Variants in RP1 observed in about 807,000 individuals in gnomAD.
RP1 encodes RP1 axonemal microtubule associated, also known as oxygen-regulated protein 1.
RP1 carries 16 observed loss-of-function variants against 14.8 expected under a neutral mutation model. The observed-to-expected ratio is 1.08, with a 90% CI of 0.73 to 1.65. RP1 has a LOEUF of 1.65. Among genes scored for constraint, RP1 ranks in the 40% most tolerant of loss-of-function variants. The pLI is 0.00. For synonymous variants in RP1, 876 were observed against 883.6 expected (o/e 0.99, Z 0.15); for missense variants, 2,631 against 2,535.0 (o/e 1.04, Z -0.81).
chr8:54,745,245 C>G (rs1194876647), intron 19 of RP1, among the ~76,000 whole-genome samples: 1 of 152,178 alleles, frequency 6.6e-6, no homozygotes, highest in Non-Finnish European at 1.5e-5. Context: ...GTCTCTACAT[C>G]TGTCTTCCAA....
At chr8:54,614,577 C>T (rs1180626447), upstream of RP1, among the ~76,000 whole-genome samples, 1 of 152,164 alleles carries the variant, frequency 6.6e-6, no homozygotes, top group African/African-American at 2.4e-5. Flanking sequence ...CAAGTGATAC[C>T]AGGGAGAGGG....
intron 25 of RP1, among the ~76,000 whole-genome samples, chr8:54,839,780 T>C (rs1414646999): frequency 6.6e-6 from 1 of 152,190 alleles, no homozygotes; most frequent in Non-Finnish European, 1.5e-5. Flanking sequence ...CCCCAGATAC[T>C]AGTTGATTAA....
At chr8:54,649,130 C>T (rs1157183831) in exon 4 of RP1, 51 of 1,498,176 alleles carry the variant, frequency 3.4e-5, no homozygotes, top group Non-Finnish European at 4.4e-5. Flanking sequence ...TTCAGGTTGG[C>T]CATGAAGACA....
intron 24 of RP1, among the ~76,000 whole-genome samples, chr8:54,822,263 G>A (rs1290678940): frequency 6.6e-6 from 1 of 152,180 alleles, no homozygotes; most frequent in African/African-American, 2.4e-5. Context: ...CTATGAAAGA[G>A]GTAAACATTC....
At chr8:54,602,103 GT>G (rs1805305722) in intron 1 of RP1, among the ~76,000 whole-genome samples, 2 of 152,182 alleles carry the variant, frequency 1.3e-5, no homozygotes, top group African/African-American at 4.8e-5. Context: ...TGTTACATAT[GT>G]ATACATGTGC....
intron 1 of RP1, among the ~76,000 whole-genome samples, chr8:54,617,445 A>G (rs1012828659): frequency 6.6e-6 from 1 of 152,252 alleles, no homozygotes; most frequent in Admixed American, 6.5e-5. Context: ...CACAGCTAAC[A>G]TAGGAGAACT....
chr8:54,630,700 T>G lies in RP1; in HGVS notation c.*347T>G, dbSNP rs1806230931. On this transcript the variant is annotated 3_prime_UTR_variant, in exon 4 of 4. Transcript: ENST00000220676. ...TTTTTAAAAAATGTTGTTAGCTTGG[T>G]GTAAAATGTATATTGACTGTATTGG... is the stretch of plus-strand genomic sequence containing the variant. 9.1e-7 allele frequency: 1 copy of G among 1,096,286 alleles called. No homozygotes were observed. Among genetic ancestry groups the G allele is most frequent in the South Asian group, 2.6e-5 (1 of 38,878 alleles). 67.9% of individuals were successfully genotyped at this position (1,096,286 alleles called of 1,614,324 possible).
At chr8:54,749,730 A>G (rs1264779221) in intron 19 of RP1, among the ~76,000 whole-genome samples, 1 of 152,198 alleles carries the variant, frequency 6.6e-6, no homozygotes, top group Non-Finnish European at 1.5e-5. Context: ...TTTTAGGGAA[A>G]GCAGACAAGG....
chr8:54,812,786 T>TATCTATC (rs1397178072), intron 24 of RP1, among the ~76,000 whole-genome samples: 4 of 150,764 alleles, frequency 2.7e-5, no homozygotes, highest in Admixed American at 6.6e-5. Flanking sequence ...TCTATCTATC[T>TATCTATC]ATCTATCTAT....
intron 15 of RP1, among the ~76,000 whole-genome samples, chr8:54,712,663 T>G (rs1177505037): frequency 6.6e-6 from 1 of 152,220 alleles, no homozygotes; most frequent in Non-Finnish European, 1.5e-5. Context: ...ATGTTTTACT[T>G]CTGCTACTTC....
intron 8 of RP1, chr8:54,678,457 T>G: frequency 6.5e-7 from 1 of 1,532,966 alleles, no homozygotes; most frequent in Non-Finnish European, 8.7e-7. Flanking sequence ...TAATTTGTGT[T>G]TAGGAAATGG....
chr8:54,633,021 G>T (rs1806278666), downstream of RP1, among the ~76,000 whole-genome samples: 1 of 152,100 alleles, frequency 6.6e-6, no homozygotes, highest in Admixed American at 6.6e-5. Flanking sequence ...GCTATGCGCT[G>T]CCAAAAGTTC....
downstream of RP1, among the ~76,000 whole-genome samples, chr8:54,773,851 TACTC>T (rs1440834586): frequency 6.6e-6 from 1 of 152,182 alleles, no homozygotes; most frequent in Non-Finnish European, 1.5e-5. Flanking sequence ...TTGGAGCACT[TACTC>T]ATTTATTTAT....
intron 19 of RP1, among the ~76,000 whole-genome samples, chr8:54,745,836 C>G (rs1290080001): frequency 6.6e-6 from 1 of 152,124 alleles, no homozygotes; most frequent in Non-Finnish European, 1.5e-5. Flanking sequence ...CACTTTTTCT[C>G]ATCCATATCG....
intron 22 of RP1, among the ~76,000 whole-genome samples, chr8:54,761,441 T>G (rs1809638655): frequency 6.6e-6 from 1 of 151,992 alleles, no homozygotes; most frequent in African/African-American, 2.4e-5. Flanking sequence ...TTCACCATGT[T>G]GGCCAGGCTG....
At chr8:54,861,857 C>A (rs1265315360) in intron 27 of RP1, among the ~76,000 whole-genome samples, 1 of 152,158 alleles carries the variant, frequency 6.6e-6, no homozygotes, top group African/African-American at 2.4e-5. Flanking sequence ...CCGCCTTGGC[C>A]TCCAAAAGTG....
chr8:54,571,679 T>A (rs549253668), intron 1 of RP1, among the ~76,000 whole-genome samples: 1 of 152,216 alleles, frequency 6.6e-6, no homozygotes, highest in Non-Finnish European at 1.5e-5. Flanking sequence ...AGAAATTTAT[T>A]GTCTGCCAGT....
chr8:54,629,054 A>G lies in RP1; in HGVS notation c.5172A>G (p.Lys1724=). 1 of 1,614,110 alleles carries G rather than the reference A, an allele frequency of 6.2e-7. No individual in the cohort carries two copies. The highest frequency in any genetic ancestry group is 8.5e-7 in the Non-Finnish European group (1 of 1,179,962). The change falls in exon 4 of 4, where the codon AAA becomes AAG. Residue 1724 remains lysine (K), a synonymous_variant. Coordinates refer to ENST00000220676, the MANE Select transcript of RP1 (RefSeq NM_006269.2). ...GTGACATTGTAGAACCTGGTACAAA[A>G]CAAAATGATGATAGCAGAATCCTCA... ...CRGDIVEPGT[K]QNDDSRILTD... is the part of the protein sequence containing the mutation.
chr8:54,697,638 C>T (rs963698242), intron 12 of RP1, among the ~76,000 whole-genome samples: 4 of 152,226 alleles, frequency 2.6e-5, no homozygotes, highest in Admixed American at 1.3e-4. Flanking sequence ...AAAATTCCAG[C>T]GTTTTCTCAA....
Sources: gnomAD v4.1 joint callset for allele counts (sites outside exome capture counted in the v4.1 genomes callset) on GRCh38, gnomAD v4.1.1 for gene constraint, MANE v1.5 for transcripts, NCBI Gene and HGNC (gene_info 2026-07-23, HGNC 2026-07-21) for gene names.